The following UBR3 variants were observed in gnomAD, a reference collection of about 807,000 sequenced individuals.
The protein encoded by UBR3 is ubiquitin protein ligase E3 component n-recognin 3, also known as E3 ubiquitin-protein ligase UBR3.
Under a neutral mutation model 243.2 loss-of-function variants are expected in UBR3, and 85 were observed. That is an observed-to-expected ratio of 0.35 (90% CI 0.29 to 0.42). The LOEUF is 0.42. UBR3 is among the 10% of genes least tolerant of loss of function. UBR3 has a pLI of 1.00. For missense variants in UBR3, 1,686 were observed against 2,300.8 expected, an observed-to-expected ratio of 0.73 and a Z score of 5.47; for synonymous variants, 748 against 799.8, an observed-to-expected ratio of 0.94 and a Z score of 1.09.
At chr2:169,868,630 T>C (rs533849775) in intron 1 of UBR3, among the ~76,000 whole-genome samples, 1 of 152,238 alleles carries the variant, frequency 6.6e-6, no homozygotes, top group African/African-American at 2.4e-5. Flanking sequence ...GGGAATTCAC[T>C]TTTAGTGATA....
At chr2:169,988,037 A>G (rs1559162011) in intron 25 of UBR3, among the ~76,000 whole-genome samples, 1 of 152,212 alleles carries the variant, frequency 6.6e-6, no homozygotes, top group African/African-American at 2.4e-5. Context: ...GATTTGGGAA[A>G]TCTTGATTTA....
At chr2:170,024,305 G>C (rs1385824058) in intron 30 of UBR3, among the ~76,000 whole-genome samples, 1 of 132,182 alleles carries the variant, frequency 7.6e-6, no homozygotes, top group East Asian at 2.1e-4. Context: ...AGTGAGCTGA[G>C]ATTGCGCCAT....
chr2:169,925,500 G>T, intron 13 of UBR3, 119 bp from the exon 14 acceptor site: 1 of 876,196 alleles, frequency 1.1e-6, no homozygotes, highest in Non-Finnish European at 1.6e-6. Flanking sequence ...TTTAACATTG[G>T]ACAGAATATC....
chr2:169,878,543 G>T lies in UBR3; in HGVS notation c.1007G>T (p.Gly336Val), dbSNP rs1352850812. The T allele has an allele frequency of 2.8e-5, 43 of 1,551,386 alleles. No individual in the cohort carries two copies. The highest frequency in any genetic ancestry group is 1.7e-4 in the Middle Eastern group (1 of 5,992). Residue 336 changes from glycine to valine, a missense_variant, in exon 5 of 39, where the codon GGA becomes GTA. By Grantham distance (109) the Gly-to-Val change is moderately radical. Around this residue, in one of 8 missense-constraint regions of UBR3, gnomAD observed 200 missense variants for 231.6 expected, o/e 0.86. Coordinates refer to ENST00000272793, the MANE Select transcript of UBR3 (RefSeq NM_172070.4). ...TCCAAAGGTTTCATAGGCGCAACAG[G>T]AACTTTGGGACAAGTGGATTCTTCA... ...LAVQGFIGAT[G>V]TLGQVDSSDE... is the part of the protein sequence containing the mutation.
Position 169,975,712 on chromosome 2 carries a change from C to T in UBR3, c.3635-10933C>T, listed in dbSNP as rs145423630. Among the ~76,000 whole-genome samples the T allele has an allele frequency of 1.5e-3, 230 of 152,122 alleles. 3 individuals carry two copies. Among genetic ancestry groups the T allele is most frequent in the Middle Eastern group, 0.01 (3 of 294 alleles). On this transcript the variant is annotated intron_variant, in intron 24 of 38. Coordinates refer to ENST00000272793, the MANE Select transcript of UBR3 (RefSeq NM_172070.4). ...TCTGTAGTCTCAGCTACCCAGGAGGCTGAGATGGGAGGATTACATGAGGCT... is the reference window on the plus strand; with the variant it reads ...TCTGTAGTCTCAGCTACCCAGGAGGTTGAGATGGGAGGATTACATGAGGCT...
At chr2:170,073,657 G>C in intron 36 of UBR3, 50 bp downstream of exon 36, 1 of 1,556,710 alleles carries the variant, frequency 6.4e-7, no homozygotes, top group African/African-American at 1.4e-5. Context: ...TATGCTAATA[G>C]GTAAGAGAAT....
At position 169,947,702 on chromosome 2, in the gene UBR3, T is replaced by G. The variant is rs1245667986; in HGVS notation, c.3071T>G (p.Leu1024Trp). Reference protein sequence around the residue: ...DSPASTSSDNLGSLQNSGTAQ... With the variant: ...DSPASTSSDNWGSLQNSGTAQ... ...CCTGCAAGTACTAGCTCTGATAACT[T>G]GGGTTCTTTACAAGTAAGTGTAAAT... The change falls in exon 22 of 39, where the codon TTG (leucine) becomes TGG (tryptophan). Residue 1024 changes from leucine (L) to tryptophan (W), a missense_variant. Leu to Trp is a moderately conservative substitution (Grantham distance 61). Transcript: ENST00000272793. 6.7e-7 allele frequency: 1 copy of G among 1,491,578 alleles called. No individual in the cohort carries two copies. The highest frequency in any genetic ancestry group is 8.9e-7 in the Non-Finnish European group (1 of 1,121,374). 92.4% of individuals were successfully genotyped at this position (1,491,578 alleles called of 1,614,324 possible). A position where few individuals can be genotyped will look rare whatever the true frequency, so the allele number is the denominator to read the frequency against.
intron 11 of UBR3, among the ~76,000 whole-genome samples, chr2:169,917,138 A>G (rs1468946813): frequency 1.3e-5 from 2 of 152,084 alleles, no homozygotes; most frequent in African/African-American, 4.8e-5. Context: ...CCTTCAACCT[A>G]GATTTTGTAC....
chr2:169,937,919 G>A (rs1463095051), intron 19 of UBR3, among the ~76,000 whole-genome samples: 1 of 152,140 alleles, frequency 6.6e-6, no homozygotes. Context: ...AAATGGTATT[G>A]GTGCTATTAT....
intron 25 of UBR3, among the ~76,000 whole-genome samples, chr2:169,993,380 G>A (rs1321685032): frequency 6.6e-6 from 1 of 152,102 alleles, no homozygotes; most frequent in African/African-American, 2.4e-5. Flanking sequence ...TTTTATAGCA[G>A]ATATTTCTTG....
At chr2:169,879,635 G>A (rs1253672013) in intron 5 of UBR3, among the ~76,000 whole-genome samples, 2 of 152,122 alleles carry the variant, frequency 1.3e-5, no homozygotes, top group African/African-American at 4.8e-5. Flanking sequence ...CTGTGAAATG[G>A]AGATAATAAT....
intron 19 of UBR3, among the ~76,000 whole-genome samples, chr2:169,933,335 G>A (rs1367351872): frequency 1.3e-5 from 2 of 152,194 alleles, no homozygotes; most frequent in Admixed American, 6.5e-5. Context: ...CAAGTTAAGA[G>A]AATAGAATTC....
intron 26 of UBR3, among the ~76,000 whole-genome samples, chr2:169,995,473 A>C (rs374325091): frequency 6.6e-6 from 1 of 152,240 alleles, no homozygotes. Flanking sequence ...AATATACTAC[A>C]GGAATTTAAC....
rs569738274 is a variant in UBR3, at chr2:170,043,008, C to T, written c.4660+2023C>T. Among the ~76,000 whole-genome samples, 4 of 152,146 alleles carry T rather than the reference C, an allele frequency of 2.6e-5. No individual in the cohort carries two copies. In the South Asian group the frequency reaches 8.3e-4, roughly 32 times the overall value. On this transcript the variant is annotated intron_variant, in intron 32 of 38. Coordinates refer to ENST00000272793, the MANE Select transcript of UBR3 (RefSeq NM_172070.4). The stretch of plus-strand genomic sequence containing the variant: ...GTTAGTTTTTCTTAATCTAGGGAAA[C>T]AGTTGCCTTGGATCATGCTGGTTTA...
chr2:169,828,664 A>T (rs902079115), intron 1 of UBR3, among the ~76,000 whole-genome samples: 1 of 152,168 alleles, frequency 6.6e-6, no homozygotes, highest in Non-Finnish European at 1.5e-5. Context: ...TTGAGCTGTC[A>T]GTGGATTATT....
chr2:170,056,737 CTGTTATCATCAGTTTACTCTCAT>C (rs2091345195), intron 33 of UBR3, among the ~76,000 whole-genome samples: 1 of 152,110 alleles, frequency 6.6e-6, no homozygotes, highest in Non-Finnish European at 1.5e-5. Context: ...ATAACCTTCA[CTGTTATCATCAGTTTACTCTCAT>C]ATCACAATTA....
chr2:169,986,847 A>G lies in UBR3; in HGVS notation c.3784+53A>G, dbSNP rs2089027568. The G allele has an allele frequency of 3.8e-6, 6 of 1,571,180 alleles. No individual in the cohort carries two copies. In the African/African-American group the frequency reaches 6.8e-5, roughly 18 times the overall value. On this transcript the variant is annotated intron_variant, in intron 25 of 38. Coordinates refer to ENST00000272793, the MANE Select transcript of UBR3 (RefSeq NM_172070.4). The stretch of plus-strand genomic sequence containing the variant: ...AACATTTTAGAGCTGAAGTATATAC[A>G]ACAGATTAATAAATATCTGTATTAA...
chr2:169,920,469 T>TAGAA (rs71879460), intron 11 of UBR3, among the ~76,000 whole-genome samples: 10 of 152,066 alleles, frequency 6.6e-5, no homozygotes, highest in African/African-American at 2.4e-4. Context: ...AGTATAATAA[T>TAGAA]AAAGTAAAAG....
chr2:169,911,216 C>G (rs1409422026), intron 10 of UBR3, among the ~76,000 whole-genome samples: 2 of 152,084 alleles, frequency 1.3e-5, no homozygotes, highest in East Asian at 3.8e-4. Flanking sequence ...TGACATGTTT[C>G]TAGAATTTTA....
Sources: gnomAD v4.1 joint callset for allele counts (sites outside exome capture counted in the v4.1 genomes callset) on GRCh38, gnomAD v4.1.1 for gene constraint, gnomAD v4.1.1 regional missense constraint, MANE v1.5 for transcripts, NCBI Gene and HGNC (gene_info 2026-07-23, HGNC 2026-07-21) for gene names.